Variants in SIPA1L1 observed in about 807,000 individuals in gnomAD.
The protein encoded by SIPA1L1 is signal-induced proliferation-associated 1-like protein 1.
A neutral mutation model predicts 162.7 loss-of-function variants in SIPA1L1; 26 were observed. The ratio of observed to expected loss-of-function variants is 0.16; its 90% CI spans 0.12 to 0.22. The LOEUF (loss-of-function observed/expected upper bound fraction) is 0.22, where lower values mean the gene tolerates loss of function less well. Ranked by LOEUF, SIPA1L1 falls within the 10% of genes least tolerant of loss-of-function variation. SIPA1L1 has a pLI of 1.00. For synonymous variants in SIPA1L1, 829 were observed against 837.4 expected (o/e 0.99, Z 0.17); for missense variants, 1,874 against 2,241.0 (o/e 0.84, Z 3.31).
chr14:71,684,706 T>C (rs1291961726), intron 12 of SIPA1L1, among the ~76,000 whole-genome samples: 4 of 149,812 alleles, frequency 2.7e-5, no homozygotes, highest in South Asian at 2.1e-4. Context: ...GTGGCAAGTG[T>C]GTGAAGCTGC....
rs1356665291 is a variant in SIPA1L1, at chr14:71,462,353, A to G, written c.-464-50390A>G. ...GTGGATCTGCTGGGTCATATGGCCC[A>G]AGTGGCAGAGCAGCTTGCACAGCAG... On this transcript the variant is annotated intron_variant, in intron 2 of 23. Transcript: ENST00000381232. Among the ~76,000 whole-genome samples the G allele has an allele frequency of 4.6e-5, 7 of 152,228 alleles. No individual in the cohort carries two copies. The East Asian group carries it at 1.3e-3, about 29-fold the overall frequency.
chr14:71,511,430 G>A (rs1471228474), intron 2 of SIPA1L1, among the ~76,000 whole-genome samples: 5 of 152,024 alleles, frequency 3.3e-5, no homozygotes, highest in African/African-American at 4.8e-5. Flanking sequence ...GACTACAGGC[G>A]TGGGCCACCA....
At chr14:71,548,671 C>A (rs997391513) in intron 4 of SIPA1L1, among the ~76,000 whole-genome samples, 1 of 151,966 alleles carries the variant, frequency 6.6e-6, no homozygotes, top group Non-Finnish European at 1.5e-5. Flanking sequence ...CCGAGGTGAT[C>A]GGATCGCTTG....
chr14:71,704,385 C>T (rs1555359898), intron 15 of SIPA1L1, among the ~76,000 whole-genome samples: 1 of 152,186 alleles, frequency 6.6e-6, no homozygotes, highest in Non-Finnish European at 1.5e-5. Flanking sequence ...ATTGGTTAGG[C>T]ATCAGTGTGT....
At chr14:71,473,360 T>A (rs1181235968) in intron 2 of SIPA1L1, among the ~76,000 whole-genome samples, 1 of 152,190 alleles carries the variant, frequency 6.6e-6, no homozygotes, top group Non-Finnish European at 1.5e-5. Flanking sequence ...TTTATAATAG[T>A]TATTACTCTT....
intron 13 of SIPA1L1, among the ~76,000 whole-genome samples, chr14:71,690,966 C>T (rs1018088124): frequency 1.3e-5 from 2 of 152,220 alleles, no homozygotes; most frequent in Non-Finnish European, 2.9e-5. Context: ...CCTCCTTCTG[C>T]CTCTTCCGTC....
rs147454458 is a variant in SIPA1L1, at chr14:71,589,028, A to G, written c.1156A>G (p.Met386Val). ...LSHSASFSSP[M>V]GSTEDLNSKG... ...TCATTCAGCCAGTTTTAGCTCCCCA[A>G]TGGGCAGCACAGAGGACCTGAATTC... Residue 386 changes from methionine (M) to valine (V), a missense_variant, in exon 5 of 24, where the codon ATG (methionine) becomes GTG (valine). Met to Val is a conservative substitution (Grantham distance 21, BLOSUM62 1). Coordinates refer to ENST00000381232, the MANE Select transcript of SIPA1L1 (RefSeq NM_001386936.1). The G allele has an allele frequency of 4.0e-4, 638 of 1,614,070 alleles. 2 individuals carry two copies. The highest frequency in any genetic ancestry group is 2.1e-3 in the African/African-American group (155 of 75,060).
At chr14:71,536,683 A>G (rs1212918401) in intron 4 of SIPA1L1, among the ~76,000 whole-genome samples, 1 of 152,266 alleles carries the variant, frequency 6.6e-6, no homozygotes, top group Non-Finnish European at 1.5e-5. Context: ...TTGGTTATAC[A>G]ACAGTAGCTT....
At chr14:71,644,737 A>T (rs965223410) in intron 7 of SIPA1L1, among the ~76,000 whole-genome samples, 1 of 152,168 alleles carries the variant, frequency 6.6e-6, no homozygotes, top group African/African-American at 2.4e-5. Flanking sequence ...CAAAAATTTA[A>T]ATTTTGCTTT....
At chr14:71,718,821 A>G (rs1046694745) in intron 17 of SIPA1L1, among the ~76,000 whole-genome samples, 9 of 152,118 alleles carry the variant, frequency 5.9e-5, no homozygotes, top group Admixed American at 3.9e-4. Flanking sequence ...GCTTTTCTCC[A>G]TGGCTATGTT....
intron 2 of SIPA1L1, among the ~76,000 whole-genome samples, chr14:71,445,945 G>A (rs2045311452): frequency 6.6e-6 from 1 of 152,080 alleles, no homozygotes; most frequent in Non-Finnish European, 1.5e-5. Flanking sequence ...ACCTCCTTGG[G>A]CTGGAGTGCT....
intron 7 of SIPA1L1, among the ~76,000 whole-genome samples, chr14:71,638,234 G>A (rs1408419158): frequency 6.6e-5 from 10 of 151,504 alleles, no homozygotes; most frequent in Admixed American, 3.3e-4. Context: ...CCAGACAAAG[G>A]TAGGAAAAAA....
intron 2 of SIPA1L1, among the ~76,000 whole-genome samples, chr14:71,395,313 C>T (rs549776882): frequency 6.6e-6 from 1 of 152,240 alleles, no homozygotes; most frequent in South Asian, 2.1e-4. Flanking sequence ...CATACTATGA[C>T]TGTTTATGCT....
At chr14:71,513,904 G>A (rs2144525467) in intron 3 of SIPA1L1, among the ~76,000 whole-genome samples, 1 of 152,232 alleles carries the variant, frequency 6.6e-6, no homozygotes, top group East Asian at 1.9e-4. Flanking sequence ...TTGATGCTGC[G>A]GTCATGACGC....
At chr14:71,576,975 C>T (rs1040155954) in intron 4 of SIPA1L1, among the ~76,000 whole-genome samples, 4 of 148,072 alleles carry the variant, frequency 2.7e-5, no homozygotes, top group Admixed American at 6.9e-5. Flanking sequence ...CCCAGCCACT[C>T]GGGTGGCTGA....
At chr14:71,395,146 C>T (rs1178438160) in intron 2 of SIPA1L1, among the ~76,000 whole-genome samples, 1 of 152,126 alleles carries the variant, frequency 6.6e-6, no homozygotes, top group Non-Finnish European at 1.5e-5. Flanking sequence ...AAATACACTT[C>T]AAATACTTTC....
intron 2 of SIPA1L1, among the ~76,000 whole-genome samples, chr14:71,341,658 T>C (rs556293616): frequency 1.5e-3 from 230 of 152,272 alleles, no homozygotes; most frequent in Non-Finnish European, 2.5e-3. Flanking sequence ...TCCCTCTCTC[T>C]CTCCCCTCTC....
intron 19 of SIPA1L1, among the ~76,000 whole-genome samples, chr14:71,729,714 A>G (rs917237674): frequency 9.9e-5 from 15 of 152,208 alleles, no homozygotes; most frequent in African/African-American, 3.4e-4. Context: ...GAGAGATTGT[A>G]TGATTTGGTC....
chr14:71,699,186 T>G, intron 14 of SIPA1L1, 59 bp downstream of exon 14: 1 of 1,495,848 alleles, frequency 6.7e-7, no homozygotes, highest in Non-Finnish European at 9.3e-7. Flanking sequence ...CTTTCATCTG[T>G]ACTCAGACAT....
Sources: allele counts gnomAD v4.1 joint callset (sites outside exome capture counted in the v4.1 genomes callset), GRCh38; gene constraint gnomAD v4.1.1; transcripts MANE v1.5; gene names NCBI Gene and HGNC (gene_info 2026-07-23, HGNC 2026-07-21).